Variants in TNRC6A observed in about 807,000 individuals in gnomAD.
TNRC6A encodes trinucleotide repeat-containing gene 6A protein.
In TNRC6A, 44 loss-of-function variants were observed where a neutral mutation model predicts 221.2. The ratio of observed to expected loss-of-function variants is 0.20; its 90% CI spans 0.16 to 0.26. The LOEUF (loss-of-function observed/expected upper bound fraction) is 0.26, where lower values mean the gene tolerates loss of function less well. Among genes scored for constraint, TNRC6A ranks in the 10% least tolerant of loss-of-function variants. The pLI, the probability that TNRC6A is intolerant of heterozygous loss-of-function variation, is 1.00. For synonymous variants in TNRC6A, 847 were observed against 838.5 expected (o/e 1.01, Z -0.18); for missense variants, 2,199 against 2,404.4 (o/e 0.91, Z 1.79).
intron 1 of TNRC6A, among the ~76,000 whole-genome samples, chr16:24,626,654 T>TC (rs1290555216): frequency 1.3e-5 from 2 of 149,554 alleles, no homozygotes; most frequent in East Asian, 3.9e-4. Flanking sequence ...TATTTCTTTT[T>TC]TTTTTTTTTT....
chr16:24,798,828 G>A (rs2058272287), intron 11 of TNRC6A, among the ~76,000 whole-genome samples: 2 of 152,190 alleles, frequency 1.3e-5, no homozygotes, highest in African/African-American at 4.8e-5. Flanking sequence ...TTTGCTAACA[G>A]GAAAAATGTA....
chr16:24,677,978 C>A (rs557491843), intron 2 of TNRC6A, among the ~76,000 whole-genome samples: 1 of 152,028 alleles, frequency 6.6e-6, no homozygotes, highest in Non-Finnish European at 1.5e-5. Context: ...CTCCCCATGA[C>A]GTGAGTGTGG....
intron 2 of TNRC6A, among the ~76,000 whole-genome samples, chr16:24,668,394 T>A (rs1289672301): frequency 6.6e-6 from 1 of 151,842 alleles, no homozygotes; most frequent in Non-Finnish European, 1.5e-5. Context: ...ATAAATTACA[T>A]ATATATATGT....
intron 9 of TNRC6A, 78 bp from the exon 10 acceptor site, chr16:24,797,412 A>G (rs891104120): frequency 9.4e-6 from 10 of 1,067,610 alleles, no homozygotes; most frequent in Non-Finnish European, 1.4e-5. Context: ...GGATTGTCTT[A>G]AGTTTTATTA....
chr16:24,724,431 A>AATACATTTTAGT (rs2056460232), intron 2 of TNRC6A, among the ~76,000 whole-genome samples: 1 of 152,180 alleles, frequency 6.6e-6, no homozygotes, highest in South Asian at 2.1e-4. Flanking sequence ...TTAACTTTCA[A>AATACATTTTAGT]ATACATTTTA....
At chr16:24,708,661 C>A (rs577714383) in intron 2 of TNRC6A, among the ~76,000 whole-genome samples, 2 of 152,058 alleles carry the variant, frequency 1.3e-5, no homozygotes, top group Non-Finnish European at 2.9e-5. Context: ...CCAACCTCCC[C>A]CTTCGAGTCC....
chr16:24,812,764 A>G (rs572328211), intron 18 of TNRC6A, among the ~76,000 whole-genome samples: 18 of 152,110 alleles, frequency 1.2e-4, no homozygotes, highest in African/African-American at 4.3e-4. Flanking sequence ...AGTTTCTCCA[A>G]GTGTAGCCCT....
At chr16:24,745,685 A>G (rs550971379) in intron 2 of TNRC6A, among the ~76,000 whole-genome samples, 1 of 151,884 alleles carries the variant, frequency 6.6e-6, no homozygotes, top group Admixed American at 6.6e-5. Flanking sequence ...TCTGTTGCCC[A>G]GGGTGGCATG....
intron 2 of TNRC6A, among the ~76,000 whole-genome samples, chr16:24,659,912 A>C (rs996163502): frequency 2.0e-5 from 3 of 152,140 alleles, no homozygotes; most frequent in Admixed American, 6.6e-5. Flanking sequence ...ATAAACTACA[A>C]AGTCGGCCTT....
In TNRC6A at chr16:24,805,136, A is replaced by T; in HGVS notation, c.4107A>T (p.Pro1369=). 1 of 1,614,078 alleles carries T rather than the reference A, an allele frequency of 6.2e-7. No individual in the cohort carries two copies. Among genetic ancestry groups the T allele is most frequent in the Non-Finnish European group, 8.5e-7 (1 of 1,180,020 alleles). Residue 1369 remains proline (P), a synonymous_variant, in exon 14 of 25, where the codon CCA becomes CCT. Coordinates refer to ENST00000395799, the MANE Select transcript of TNRC6A (RefSeq NM_014494.4). ...ATCTCCGTGCTCAAGTGCCTCCTCC[A>T]TTACTCTCCCCTCAGGTAAATAAGC... ...QPNLRAQVPP[P]LLSPQVPVSL... is the part of the protein sequence containing the mutation.
intron 2 of TNRC6A, among the ~76,000 whole-genome samples, chr16:24,692,083 T>C (rs2055766543): frequency 6.6e-6 from 1 of 152,212 alleles, no homozygotes; most frequent in African/African-American, 2.4e-5. Flanking sequence ...TACTTTGCTT[T>C]CCTTTTTGAC....
intron 17 of TNRC6A, among the ~76,000 whole-genome samples, chr16:24,808,192 GCTGGCTCTTCCTATTTGA>G (rs2058473328): frequency 6.6e-6 from 1 of 152,234 alleles, no homozygotes; most frequent in Non-Finnish European, 1.5e-5. Context: ...AGTGAAGGGA[GCTGGCTCTTCCTATTTGA>G]CTGCACACTT....
chr16:24,819,394 AGT>A (rs1456065765), intron 21 of TNRC6A, among the ~76,000 whole-genome samples: 1 of 151,900 alleles, frequency 6.6e-6, no homozygotes, highest in Non-Finnish European at 1.5e-5. Flanking sequence ...GCTGCGAGGC[AGT>A]GTGTGTCAGG....
intron 2 of TNRC6A, among the ~76,000 whole-genome samples, chr16:24,715,763 G>T (rs1387157835): frequency 1.3e-5 from 2 of 151,890 alleles, no homozygotes; most frequent in Non-Finnish European, 2.9e-5. Context: ...GACTACAGGT[G>T]CATGCCACCA....
chr16:24,702,908 A>G (rs1205266830), intron 2 of TNRC6A, among the ~76,000 whole-genome samples: 1 of 151,850 alleles, frequency 6.6e-6, no homozygotes, highest in African/African-American at 2.4e-5. Flanking sequence ...GGTGGCGGGC[A>G]CCTGTAGTCC....
chr16:24,760,601 GT>G (rs1244000804), intron 4 of TNRC6A, among the ~76,000 whole-genome samples: 5 of 152,068 alleles, frequency 3.3e-5, no homozygotes, highest in South Asian at 2.1e-4. Flanking sequence ...AAAATGTATT[GT>G]TTTATTTCTG....
intron 4 of TNRC6A, 70 bp downstream of exon 4, chr16:24,758,430 C>A: frequency 6.7e-7 from 1 of 1,496,294 alleles, no homozygotes; most frequent in South Asian, 1.1e-5. Flanking sequence ...CATTTTTGTT[C>A]ACCTCAAGGA....
intron 4 of TNRC6A, among the ~76,000 whole-genome samples, chr16:24,772,364 CTTTTTTCTTTTTT>C (rs1435559305): frequency 6.6e-6 from 1 of 151,810 alleles, no homozygotes; most frequent in Admixed American, 6.6e-5. Flanking sequence ...TTTTCTTTTT[CTTTTTTCTTTTTT>C]TGAAACAAGG....
chr16:24,822,283 A>G, intron 23 of TNRC6A, 136 bp downstream of exon 23: 5 of 800,770 alleles, frequency 6.2e-6, no homozygotes, highest in Non-Finnish European at 1.0e-5. Flanking sequence ...AGTGGTCTGT[A>G]GACCTCAGGC....
Sources: allele counts gnomAD v4.1 joint callset (sites outside exome capture counted in the v4.1 genomes callset), GRCh38; gene constraint gnomAD v4.1.1; transcripts MANE v1.5; gene names NCBI Gene and HGNC (gene_info 2026-07-23, HGNC 2026-07-21).